The following C9orf50 variants were observed in gnomAD, a reference collection of about 807,000 sequenced individuals.
C9orf50 encodes the protein uncharacterized protein C9orf50.
C9orf50 carries 33 observed loss-of-function variants against 42.5 expected under a neutral mutation model. That is an observed-to-expected ratio of 0.78 (90% CI 0.59 to 1.04). The LOEUF (loss-of-function observed/expected upper bound fraction) is 1.04. Among genes scored for constraint, C9orf50 ranks in the 50% least tolerant of loss-of-function variants. The pLI, the probability that C9orf50 is intolerant of heterozygous loss-of-function variation, is 0.00. For synonymous variants in C9orf50, 257 were observed against 273.4 expected, an observed-to-expected ratio of 0.94 and a Z score of 0.59; for missense variants, 547 against 594.3, an observed-to-expected ratio of 0.92 and a Z score of 0.83.
chr9:129,620,575 G>A lies in C9orf50; in HGVS notation c.-1C>T. The stretch of plus-strand genomic sequence containing the variant: ...CTGGGCGAAGTCGACGCCAGAACAT[G>A]CTTGGCCCCGCACTCAGCTCACCGC... On this transcript the variant is annotated 5_prime_UTR_variant, in exon 1 of 7. Transcript: ENST00000372478. The surrounding 1 kb of genome is among the most constrained non-coding windows in gnomAD (Gnocchi z 5.8). 7.4e-7 allele frequency: 1 copy of A among 1,359,134 alleles called. No individual in the cohort carries two copies. The highest frequency in any genetic ancestry group is 9.5e-7 in the Non-Finnish European group (1 of 1,054,178). The allele number at this position is 1,359,134 out of a possible 1,614,324, so 84.2% of individuals were successfully genotyped here.
intron 6 of C9orf50, among the ~76,000 whole-genome samples, chr9:129,612,853 G>A (rs1830156635): frequency 6.6e-6 from 1 of 152,072 alleles, no homozygotes; most frequent in South Asian, 2.1e-4. Flanking sequence ...GAGGAGAGGG[G>A]AGGGGAGGGG....
chr9:129,616,308 C>T (rs1171727901), intron 3 of C9orf50, among the ~76,000 whole-genome samples: 3 of 152,152 alleles, frequency 2.0e-5, no homozygotes, highest in East Asian at 1.9e-4. Flanking sequence ...CTCCGCCTCC[C>T]GGGTTCACGC....
At chr9:129,621,019 C>T (rs1234722326), upstream of C9orf50, among the ~76,000 whole-genome samples, 1 of 152,234 alleles carries the variant, frequency 6.6e-6, no homozygotes, top group Non-Finnish European at 1.5e-5. Context: ...TCCCTGGGGG[C>T]TCTGGTCTGC....
rs887884788 is a variant in C9orf50, at chr9:129,620,158, CA to C, written c.416del (p.Leu139TrpfsTer5). Reference sequence around the variant, plus strand: ...GGAGGAGCTCTCCTAGGAAGGCGCCCAAGAAGTCGGGGTCCTCCCTGGCCAC... The same window carrying C: ...GGAGGAGCTCTCCTAGGAAGGCGCCCAGAAGTCGGGGTCCTCCCTGGCCAC... On this transcript the variant is annotated frameshift_variant, in exon 1 of 7. Transcript: ENST00000372478. LOFTEE classifies it high-confidence loss of function. The surrounding 1 kb of genome is among the most constrained non-coding windows in gnomAD (Gnocchi z 5.8). 1.4e-6 allele frequency: 2 copies of C among 1,462,544 alleles called. No individual in the cohort carries two copies. Among genetic ancestry groups the C allele is most frequent in the African/African-American group, 2.9e-5 (2 of 70,000 alleles). 90.6% of individuals were successfully genotyped at this position (1,462,544 alleles called of 1,614,324 possible).
intron 3 of C9orf50, among the ~76,000 whole-genome samples, chr9:129,618,952 G>C (rs542884680): frequency 6.7e-6 from 1 of 149,644 alleles, no homozygotes; most frequent in Non-Finnish European, 1.5e-5. Context: ...CTAACCTCGT[G>C]ATCCGCCCAC....
At position 129,620,077 on chromosome 9, in the gene C9orf50, C is replaced by T. The variant is rs1041034371; in HGVS notation, c.498G>A (p.Pro166=). 4.1e-6 allele frequency: 6 copies of T among 1,450,762 alleles called. No homozygotes were observed. Among genetic ancestry groups the T allele is most frequent in the Middle Eastern group, 1.8e-4 (1 of 5,434 alleles). 89.9% of individuals were successfully genotyped at this position (1,450,762 alleles called of 1,614,324 possible). The change falls in exon 1 of 7, where the codon CCG becomes CCA. Residue 166 remains proline, a synonymous_variant. Coordinates refer to ENST00000372478, the Ensembl canonical transcript of C9orf50. The surrounding 1 kb of genome is among the most constrained non-coding windows in gnomAD (Gnocchi z 5.8). ...CCCGCGGGGCCTCACTCAGTGGCTC[C>T]GGCTCCTCGGCGCACTTCTCCTGGA...
In C9orf50 at chr9:129,613,487, C is replaced by T. The variant is rs752813624; in HGVS notation, c.991G>A (p.Gly331Arg). The T allele has an allele frequency of 2.5e-6, 4 of 1,614,156 alleles. No individual in the cohort carries two copies. Among genetic ancestry groups the T allele is most frequent in the Non-Finnish European group, 3.4e-6 (4 of 1,180,030 alleles). ...CTGGCCAGGGTCTCCTCCTTGGCCC[C>T]AGGGTACAGGGCTTTGGGCAAACTC... Residue 331 changes from glycine to arginine, a missense_variant, in exon 5 of 7, where the codon GGG becomes AGG. This residue lies in a region of C9orf50 where 334 missense variants were observed against 323.7 expected (regional missense o/e 1.03). Coordinates refer to ENST00000372478, the Ensembl canonical transcript of C9orf50. The surrounding 1 kb of genome is among the most constrained non-coding windows in gnomAD (Gnocchi z 6.2).
chr9:129,620,146 T>C lies in C9orf50; in HGVS notation c.429A>G (p.Leu143=), dbSNP rs1225967454. 3 of 1,462,452 alleles carry C rather than the reference T, an allele frequency of 2.1e-6. No homozygotes were observed. In the East Asian group the frequency reaches 7.6e-5, roughly 37 times the overall value. 90.6% of individuals were successfully genotyped at this position (1,462,452 alleles called of 1,614,324 possible). Residue 143 remains leucine, a synonymous_variant, in exon 1 of 7, where the codon CTA becomes CTG. Transcript: ENST00000372478. This position sits in a 1 kb window ranked among gnomAD's most constrained non-coding sequence, Gnocchi z 5.8. ...GGAACCTGCTGGGGAGGAGCTCTCC[T>C]AGGAAGGCGCCCAAGAAGTCGGGGT...
At chr9:129,612,449 G>A (rs1184014571) in exon 7 of C9orf50, 2 of 1,611,330 alleles carry the variant, frequency 1.2e-6, no homozygotes, top group Non-Finnish European at 1.7e-6. Flanking sequence ...TGGGCAGGAG[G>A]GACTCCTAGA....
rs972112680 is a variant in C9orf50 at position 129,620,610 on chromosome 9, G to A, written c.-36C>T. On this transcript the variant is annotated 5_prime_UTR_variant, in exon 1 of 7. Transcript: ENST00000372478. This position sits in a 1 kb window ranked among gnomAD's most constrained non-coding sequence, Gnocchi z 5.8. Reference sequence around the variant, plus strand: ...GCACTCAGCTCACCGCACCCTCAGCGCGCGTGGGTGGGGGGCGCCGGCTGA... The same window carrying A: ...GCACTCAGCTCACCGCACCCTCAGCACGCGTGGGTGGGGGGCGCCGGCTGA... 7.7e-7 allele frequency: 1 copy of A among 1,305,134 alleles called. No homozygotes were observed. The highest frequency in any genetic ancestry group is 3.1e-5 in the Admixed American group (1 of 32,096). 80.8% of individuals were successfully genotyped at this position (1,305,134 alleles called of 1,614,324 possible).
In C9orf50 at chr9:129,613,174, T is replaced by G; in HGVS notation, c.1121A>C (p.Lys374Thr). ...GCTTCGCGGCCTCTGAGCAGCGGCC[T>G]TCTTCCATGAACAGAAGGGCAGGCT... The change falls in exon 6 of 7, where the codon AAG (lysine) becomes ACG (threonine). Residue 374 changes from lysine to threonine, a missense_variant. Lys to Thr is a moderately conservative substitution (Grantham distance 78). This residue lies in a region of C9orf50 where 334 missense variants were observed against 323.7 expected (regional missense o/e 1.03). Transcript: ENST00000372478. This position sits in a 1 kb window ranked among gnomAD's most constrained non-coding sequence, Gnocchi z 6.2. The G allele has an allele frequency of 6.2e-7, 1 of 1,613,722 alleles. No individual in the cohort carries two copies. The highest frequency in any genetic ancestry group is 8.5e-7 in the Non-Finnish European group (1 of 1,180,000).
intron 3 of C9orf50, among the ~76,000 whole-genome samples, chr9:129,616,908 C>A (rs951683672): frequency 6.6e-6 from 1 of 152,054 alleles, no homozygotes; most frequent in African/African-American, 2.4e-5. Flanking sequence ...CCCGTCTCTA[C>A]CAAAAATACA....
At chr9:129,615,208 G>A (rs1279832600) in intron 4 of C9orf50, among the ~76,000 whole-genome samples, 1 of 152,200 alleles carries the variant, frequency 6.6e-6, no homozygotes, top group Non-Finnish European at 1.5e-5. Context: ...TCTCAAGGTG[G>A]GCAGATACAG....
intron 3 of C9orf50, 136 bp downstream of exon 3, chr9:129,619,384 G>T: frequency 7.2e-6 from 5 of 694,128 alleles, no homozygotes; most frequent in Non-Finnish European, 1.2e-5. Flanking sequence ...CTGATTCACG[G>T]ACAGCCATAT....
chr9:129,618,681 A>T (rs144276725), intron 3 of C9orf50, among the ~76,000 whole-genome samples: 2,775 of 150,654 alleles, frequency 0.018, 72 homozygotes, highest in East Asian at 0.065. Context: ...TTTTTTATTT[A>T]TTTTATTTTA....
rs772091163 is a variant in C9orf50 at position 129,619,837 on chromosome 9, C to G, written c.509-7G>C. The G allele has an allele frequency of 2.5e-6, 4 of 1,613,872 alleles. No individual in the cohort carries two copies. The highest frequency in any genetic ancestry group is 3.4e-6 in the Non-Finnish European group (4 of 1,179,768). ...TGTTGCGGTGCTGGGGATGCTGGAG[C>G]CAGGAGGAAACAGTTGTGAGCCTTG... On this transcript the variant is annotated splice_region_variant and splice_polypyrimidine_tract_variant and intron_variant, in intron 1 of 6. Coordinates refer to ENST00000372478, the Ensembl canonical transcript of C9orf50.
In C9orf50 at chr9:129,613,686, C is replaced by A; in HGVS notation, c.881-89G>T. The A allele has an allele frequency of 1.3e-6, 2 of 1,519,186 alleles. No individual in the cohort carries two copies. Among genetic ancestry groups the A allele is most frequent in the Middle Eastern group, 1.9e-4 (1 of 5,350 alleles). The allele number at this position is 1,519,186 out of a possible 1,614,324, so 94.1% of individuals were successfully genotyped here. The stretch of plus-strand genomic sequence containing the variant: ...TTTTCCTCCCTCTGGCAGGCAGGGC[C>A]GGTCAGAGCCCTGTCTCCATGGCAA... On this transcript the variant is annotated intron_variant, in intron 4 of 6. Coordinates refer to ENST00000372478, the Ensembl canonical transcript of C9orf50. This position sits in a 1 kb window ranked among gnomAD's most constrained non-coding sequence, Gnocchi z 6.2.
In C9orf50 at chr9:129,614,875, C is replaced by G. The variant is rs890315843; in HGVS notation, c.880+609G>C. Among the ~76,000 whole-genome samples the G allele has an allele frequency of 3.3e-5, 5 of 151,966 alleles. No homozygotes were observed. Among genetic ancestry groups the G allele is most frequent in the African/African-American group, 1.2e-4 (5 of 41,338 alleles). Reference sequence around the variant, plus strand: ...CGAGATCGCGCCACTGCACTCCAGCCTGGGCGACAGAGTGAGACTCCGTAT... The same window carrying G: ...CGAGATCGCGCCACTGCACTCCAGCGTGGGCGACAGAGTGAGACTCCGTAT... On this transcript the variant is annotated intron_variant, in intron 4 of 6. Transcript: ENST00000372478. This position sits in a 1 kb window ranked among gnomAD's most constrained non-coding sequence, Gnocchi z 4.4.
At chr9:129,619,972 A>T in intron 1 of C9orf50, 95 bp downstream of exon 1, 2 of 1,474,664 alleles carry the variant, frequency 1.4e-6, no homozygotes, top group Non-Finnish European at 1.8e-6. Flanking sequence ...GCATCCTTCT[A>T]GCCTGGGTGG....
Sources: allele counts gnomAD v4.1 joint callset (sites outside exome capture counted in the v4.1 genomes callset), GRCh38; gene constraint gnomAD v4.1.1; regional missense constraint gnomAD v4.1.1; non-coding constraint Gnocchi (gnomAD v3.1); transcripts MANE v1.5; gene names NCBI Gene and HGNC (gene_info 2026-07-23, HGNC 2026-07-21).